RMC1: variants seen among roughly 807,000 people sequenced by gnomAD.
RMC1 encodes regulator of MON1-CCZ1 complex.
Under a neutral mutation model 95.5 loss-of-function variants are expected in RMC1, and 44 were observed. The observed-to-expected ratio is 0.46, with a 90% CI of 0.36 to 0.59. RMC1 has a LOEUF of 0.59. Among genes scored for constraint, RMC1 ranks in the 20% least tolerant of loss-of-function variants. RMC1 has a pLI of 0.00. For synonymous variants in RMC1, 320 were observed against 303.6 expected, an observed-to-expected ratio of 1.05 and a Z score of -0.56; for missense variants, 705 against 819.6, an observed-to-expected ratio of 0.86 and a Z score of 1.71.
chr18:23,507,309 G>A (rs893080133), intron 3 of RMC1, among the ~76,000 whole-genome samples: 11 of 152,104 alleles, frequency 7.2e-5, no homozygotes, highest in African/African-American at 2.7e-4. Flanking sequence ...GCCCAGGCTG[G>A]AGTGCAGTGA....
Position 23,518,902 on chromosome 18 carries a change from G to C in RMC1, c.666G>C (p.Leu222=), listed in dbSNP as rs779798551. The change falls in exon 8 of 20, where the codon CTG becomes CTC. Residue 222 remains leucine (L), a synonymous_variant. Transcript: ENST00000269221. ...DIAMATIYGQ[L]YVLFLRHHSR... is the part of the protein sequence containing the mutation. Reference sequence around the variant, plus strand: ...GTTCCCTAATTAGATACGGGCAGCTGTATGTTCTCTTCTTGAGGCATCATT... The same window carrying C: ...GTTCCCTAATTAGATACGGGCAGCTCTATGTTCTCTTCTTGAGGCATCATT... The C allele has an allele frequency of 1.2e-6, 2 of 1,614,000 alleles. No homozygotes were observed. The highest frequency in any genetic ancestry group is 1.7e-6 in the Non-Finnish European group (2 of 1,179,974).
chr18:23,529,793 C>T lies in RMC1; in HGVS notation c.1494+81C>T, dbSNP rs570858847. On this transcript the variant is annotated intron_variant, in intron 16 of 19. Coordinates refer to ENST00000269221, the MANE Select transcript of RMC1 (RefSeq NM_013326.5). ...ACAGTCACTGTCTTAGAAGATGACT[C>T]ATATGCTAAGACAGGTCTGCCTCCC... 53 of 1,377,488 alleles carry T rather than the reference C, an allele frequency of 3.8e-5. 1 individual carries two copies. In the South Asian group the frequency reaches 6.2e-4, roughly 16 times the overall value. 85.3% of individuals were successfully genotyped at this position (1,377,488 alleles called of 1,614,324 possible).
chr18:23,530,287 A>G lies in RMC1; in HGVS notation c.1658A>G (p.Asp553Gly). 6.2e-7 allele frequency: 1 copy of G among 1,614,186 alleles called. No individual in the cohort carries two copies. The highest frequency in any genetic ancestry group is 8.5e-7 in the Non-Finnish European group (1 of 1,180,032). The change falls in exon 18 of 20, where the codon GAC (aspartate) becomes GGC (glycine). Residue 553 changes from aspartate to glycine, a missense_variant. By Grantham distance (94) the Asp-to-Gly change is moderately conservative. Transcript: ENST00000269221. ...CCTCCTGCTCATCAGCTATCTCTGG[A>G]CATGCTGAAGGTAACTCTGATGTGT... is the stretch of plus-strand genomic sequence containing the variant. ...FYPPAHQLSL[D>G]MLKRLSTAND... is the part of the protein sequence containing the mutation.
chr18:23,503,810 C>A, intron 1 of RMC1, 90 bp downstream of exon 1: 1 of 1,107,416 alleles, frequency 9.0e-7, no homozygotes. Flanking sequence ...GCCCGAGCGT[C>A]CCCTCCTGTC....
intron 5 of RMC1, among the ~76,000 whole-genome samples, 162 bp from the exon 6 acceptor site, chr18:23,515,694 G>A (rs1261850817): frequency 6.6e-6 from 1 of 152,082 alleles, no homozygotes; most frequent in Non-Finnish European, 1.5e-5. Flanking sequence ...CACCACGCCT[G>A]GCTAATTTTT....
Position 23,520,285 on chromosome 18 carries a change from G to A in RMC1, c.933G>A (p.Ser311=), listed in dbSNP as rs369100887. ...ACCACCCCGTGCTTCCCGCTCGATC[G>A]ATCCAGCCCTATCAGATCCCCATCA... ...TFHHPVLPAR[S]IQPYQIPITG... is the part of the protein sequence containing the mutation. Residue 311 remains serine (S), a synonymous_variant, in exon 10 of 20, where the codon TCG becomes TCA. Coordinates refer to ENST00000269221, the MANE Select transcript of RMC1 (RefSeq NM_013326.5). 9 of 1,613,864 alleles carry A rather than the reference G, an allele frequency of 5.6e-6. No individual in the cohort carries two copies. Among genetic ancestry groups the A allele is most frequent in the East Asian group, 2.2e-5 (1 of 44,898 alleles).
In RMC1 at chr18:23,531,623, AG is replaced by A. The variant is rs1244178018; in HGVS notation, c.1897del. ...CTGGCAATTAAATCTCTTCCTTTCT[AG>A]GGGAACACTGTGAAGAACATGTTGC... On this transcript the variant is annotated splice_acceptor_variant, in intron 19 of 19. Transcript: ENST00000269221. LOFTEE classifies it high-confidence loss of function. 2 of 1,611,886 alleles carry A rather than the reference AG, an allele frequency of 1.2e-6. No individual in the cohort carries two copies. Among genetic ancestry groups the A allele is most frequent in the Admixed American group, 1.7e-5 (1 of 59,560 alleles).
chr18:23,524,199 C>T lies in RMC1; in HGVS notation c.1006+25C>T, dbSNP rs201899092. On this transcript the variant is annotated intron_variant, in intron 11 of 19. Transcript: ENST00000269221. ...TGTATCCTTTACTAAGGTGTGGCAC[C>T]GTGCACAACAGGGCAAGTGGTCACC... The T allele has an allele frequency of 6.3e-5, 102 of 1,612,194 alleles. 2 individuals carry two copies. In the East Asian group the frequency reaches 1.7e-3, roughly 26 times the overall value.
intron 9 of RMC1, 85 bp from the exon 10 acceptor site, chr18:23,520,117 T>A: frequency 9.6e-7 from 1 of 1,040,742 alleles, no homozygotes; most frequent in Non-Finnish European, 1.5e-6. Context: ...TTTAAACTGA[T>A]TTAAACAGCA....
chr18:23,518,329 A>G (rs995836995), intron 7 of RMC1, among the ~76,000 whole-genome samples: 3 of 152,116 alleles, frequency 2.0e-5, no homozygotes. Flanking sequence ...TGTTTCTACA[A>G]AAAAATTTAA....
chr18:23,514,959 T>G lies in RMC1; in HGVS notation c.409-897T>G, dbSNP rs77411695. The stretch of plus-strand genomic sequence containing the variant: ...CGGAATATTTAGGGTACATTGAAAA[T>G]GTGCCTGGATTATAAAGTACTGCAT... On this transcript the variant is annotated intron_variant, in intron 5 of 19. Transcript: ENST00000269221. Among the ~76,000 whole-genome samples the G allele has an allele frequency of 3.4e-3, 518 of 152,162 alleles. 4 individuals carry two copies. The highest frequency in any genetic ancestry group is 0.012 in the African/African-American group (500 of 41,512).
At chr18:23,517,567 C>G (rs562967473) in intron 7 of RMC1, among the ~76,000 whole-genome samples, 6 of 152,150 alleles carry the variant, frequency 3.9e-5, no homozygotes, top group African/African-American at 9.7e-5. Flanking sequence ...GTATCTGATT[C>G]GACAATAGTC....
Position 23,519,135 on chromosome 18 carries a change from G to C in RMC1, c.810G>C (p.Val270=). ...GGACGGGAAAGTTTGCCCTGAACGTGGTGGACAACCTGGTAGTCGTGCATC... is the reference window on the plus strand; with the variant it reads ...GGACGGGAAAGTTTGCCCTGAACGTCGTGGACAACCTGGTAGTCGTGCATC... ...LNRTGKFALN[V]VDNLVVVHHQ... The change falls in exon 9 of 20, where the codon GTG becomes GTC. Residue 270 remains valine (V), a synonymous_variant. Coordinates refer to ENST00000269221, the MANE Select transcript of RMC1 (RefSeq NM_013326.5). 1 of 1,614,192 alleles carries C rather than the reference G, an allele frequency of 6.2e-7. No individual in the cohort carries two copies. The highest frequency in any genetic ancestry group is 1.1e-5 in the South Asian group (1 of 91,086).
chr18:23,508,493 G>T (rs2057768921), intron 4 of RMC1, among the ~76,000 whole-genome samples: 1 of 152,136 alleles, frequency 6.6e-6, no homozygotes, highest in Admixed American at 6.5e-5. Context: ...CCTAGGTGTT[G>T]ATTCTAATCC....
chr18:23,517,952 G>T (rs2058052660), intron 7 of RMC1, among the ~76,000 whole-genome samples: 1 of 152,060 alleles, frequency 6.6e-6, no homozygotes, highest in Non-Finnish European at 1.5e-5. Context: ...TCCTGGGCTC[G>T]GGTGATCCTC....
chr18:23,507,322 T>G (rs542120261), intron 3 of RMC1, among the ~76,000 whole-genome samples: 1 of 152,316 alleles, frequency 6.6e-6, no homozygotes, highest in Admixed American at 6.5e-5. Context: ...TGCAGTGATG[T>G]GATCTCGGCT....
intron 10 of RMC1, chr18:23,522,780 G>A (rs2058177053): frequency 6.6e-6 from 1 of 152,416 alleles, no homozygotes; most frequent in South Asian, 2.1e-4. Flanking sequence ...GGGCTGCAAA[G>A]CATTTTCAGA....
In RMC1 at chr18:23,526,858, T is replaced by C. The variant is rs1216159125; in HGVS notation, c.1189+93T>C. On this transcript the variant is annotated intron_variant, in intron 13 of 19. Transcript: ENST00000269221. ...GGGATGTGGGCTACATTGTTGTGTC[T>C]TGTCTGTGACCCACAGCCTCATTCT... 5 of 1,500,418 alleles carry C rather than the reference T, an allele frequency of 3.3e-6. No individual in the cohort carries two copies. In the Admixed American group the frequency reaches 9.8e-5, roughly 29 times the overall value. The allele number at this position is 1,500,418 out of a possible 1,614,324, so 92.9% of individuals were successfully genotyped here.
Position 23,504,466 on chromosome 18 carries a change from T to C in RMC1, c.179+19T>C. On this transcript the variant is annotated intron_variant, in intron 2 of 19. Coordinates refer to ENST00000269221, the MANE Select transcript of RMC1 (RefSeq NM_013326.5). Reference sequence around the variant, plus strand: ...CATTTAGGTAATGGTATAGACACTTTCAGATCATTTTGTCATGTAAACAGA... The same window carrying C: ...CATTTAGGTAATGGTATAGACACTTCCAGATCATTTTGTCATGTAAACAGA... The C allele has an allele frequency of 1.3e-6, 2 of 1,574,830 alleles. No homozygotes were observed. Among genetic ancestry groups the C allele is most frequent in the African/African-American group, 1.4e-5 (1 of 74,066 alleles).
Sources: allele counts gnomAD v4.1 joint callset (sites outside exome capture counted in the v4.1 genomes callset), GRCh38; gene constraint gnomAD v4.1.1; transcripts MANE v1.5; gene names NCBI Gene and HGNC (gene_info 2026-07-23, HGNC 2026-07-21).